CLNK: variants seen among roughly 807,000 people sequenced by gnomAD.
The protein encoded by CLNK is cytokine dependent hematopoietic cell linker.
A neutral mutation model predicts 68.6 loss-of-function variants in CLNK; 74 were observed. That is an observed-to-expected ratio of 1.08 (90% CI 0.89 to 1.31). The LOEUF is 1.31. Among genes scored for constraint, CLNK ranks in the 50% most tolerant of loss-of-function variants. CLNK has a pLI of 0.00. For missense variants in CLNK, 553 were observed against 515.3 expected, an observed-to-expected ratio of 1.07 and a Z score of -0.71; for synonymous variants, 198 against 172.2, an observed-to-expected ratio of 1.15 and a Z score of -1.17.
chr4:10,620,090 G>A lies in CLNK; in HGVS notation c.12-22041C>T, dbSNP rs16870716. On this transcript the variant is annotated intron_variant, in intron 2 of 18. Transcript: ENST00000226951. ...TTCACGGCCAAGTGAGAAATTCTGC[G>A]CATCAAGAAAAGGGGAGAGAACTGA... 6.2e-3 allele frequency among the ~76,000 whole-genome samples: 942 copies of A among 152,174 alleles called. 19 individuals carry two copies. In the East Asian group the frequency reaches 0.065, roughly 10 times the overall value.
intron 8 of CLNK, 115 bp from the exon 9 acceptor site, chr4:10,542,395 G>A: frequency 1.4e-6 from 1 of 721,606 alleles, no homozygotes; most frequent in South Asian, 1.8e-5. Flanking sequence ...GATAACGTCA[G>A]TTAATATTTG....
the CLNK span, among the ~76,000 whole-genome samples, chr4:10,722,582 C>A: frequency 2.1e-4 from 32 of 152,286 alleles, no homozygotes; most frequent in Non-Finnish European, 3.7e-4. Context: ...TTGAGGGTGT[C>A]CAGGTTTTTG....
chr4:10,692,585 A>C, the CLNK span, among the ~76,000 whole-genome samples: 2 of 152,210 alleles, frequency 1.3e-5, no homozygotes, highest in Non-Finnish European at 2.9e-5. Context: ...AGATTATACA[A>C]ATGCAAAATG....
chr4:10,558,941 C>T (rs1719785245), intron 7 of CLNK, among the ~76,000 whole-genome samples: 1 of 152,100 alleles, frequency 6.6e-6, no homozygotes. Flanking sequence ...GCCTCAGTTT[C>T]CTGAGGCTTA....
the CLNK span, among the ~76,000 whole-genome samples, chr4:10,731,956 A>G: frequency 6.6e-6 from 1 of 152,164 alleles, no homozygotes; most frequent in African/African-American, 2.4e-5. Context: ...AGCCCTAGTG[A>G]GTAGTGTTTG....
intron 2 of CLNK, among the ~76,000 whole-genome samples, chr4:10,622,197 G>A (rs1045612185): frequency 1.3e-5 from 2 of 152,084 alleles, no homozygotes; most frequent in African/African-American, 2.4e-5. Flanking sequence ...TAGATTGTTA[G>A]GGGCATAGCC....
At chr4:10,608,413 A>C (rs1418355084) in intron 2 of CLNK, among the ~76,000 whole-genome samples, 1 of 152,100 alleles carries the variant, frequency 6.6e-6, no homozygotes, top group Non-Finnish European at 1.5e-5. Flanking sequence ...ACCAGCACAG[A>C]TGCCATCCTT....
chr4:10,668,691 G>T (rs1724507415), intron 1 of CLNK, among the ~76,000 whole-genome samples: 1 of 152,158 alleles, frequency 6.6e-6, no homozygotes. Context: ...AGGGATTTGG[G>T]GACCAGGTAG....
At chr4:10,688,982 T>C (rs960281931), upstream of CLNK, among the ~76,000 whole-genome samples, 3 of 152,058 alleles carry the variant, frequency 2.0e-5, no homozygotes, top group Non-Finnish European at 4.4e-5. Context: ...TGAATAAACA[T>C]TTTGTGCAGA....
the CLNK span, among the ~76,000 whole-genome samples, chr4:10,723,512 G>A: frequency 6.6e-6 from 1 of 152,104 alleles, no homozygotes; most frequent in African/African-American, 2.4e-5. Flanking sequence ...GTGATGTGTG[G>A]ATTAAGAGAA....
At chr4:10,699,494 C>CTCTATATATA in the CLNK span, among the ~76,000 whole-genome samples, 78 of 56,938 alleles carry the variant, frequency 1.4e-3, no homozygotes, top group African/African-American at 2.6e-3. Context: ...CTCTCTCTCT[C>CTCTATATATA]TATATATATA....
chr4:10,609,455 T>G (rs187954681), intron 2 of CLNK, among the ~76,000 whole-genome samples: 1 of 152,348 alleles, frequency 6.6e-6, no homozygotes, highest in East Asian at 1.9e-4. Context: ...TTGAAATGGA[T>G]CAGACTTTGG....
the CLNK span, among the ~76,000 whole-genome samples, chr4:10,702,963 A>G: frequency 6.6e-6 from 1 of 152,164 alleles, no homozygotes; most frequent in Non-Finnish European, 1.5e-5. Context: ...TGTGAGAAGG[A>G]CCACTAAGAG....
intron 2 of CLNK, 114 bp from the exon 3 acceptor site, chr4:10,598,163 T>C (rs1456243147): frequency 8.7e-6 from 6 of 686,944 alleles, no homozygotes; most frequent in Non-Finnish European, 1.5e-5. Context: ...AGTAATTATG[T>C]CTCACACATA....
the CLNK span, among the ~76,000 whole-genome samples, chr4:10,699,494 C>CTCTATATATATATATATATATA: frequency 1.8e-5 from 1 of 56,990 alleles, no homozygotes; most frequent in African/African-American, 9.1e-5. Flanking sequence ...CTCTCTCTCT[C>CTCTATATATATATATATATATA]TATATATATA....
intron 2 of CLNK, among the ~76,000 whole-genome samples, chr4:10,646,982 A>G (rs1723538288): frequency 6.6e-6 from 1 of 152,180 alleles, no homozygotes; most frequent in Non-Finnish European, 1.5e-5. Context: ...TTTTTGCCAC[A>G]TTCTTTTTGT....
At chr4:10,580,645 AT>A (rs766511366) in intron 4 of CLNK, among the ~76,000 whole-genome samples, 8 of 152,194 alleles carry the variant, frequency 5.3e-5, no homozygotes, top group African/African-American at 1.7e-4. Flanking sequence ...GTAAAAAAAA[AT>A]AAAATAAAAA....
intron 4 of CLNK, 150 bp from the exon 5 acceptor site, chr4:10,571,928 T>A (rs1720370106): frequency 4.8e-6 from 3 of 622,492 alleles, no homozygotes; most frequent in Non-Finnish European, 8.5e-6. Context: ...AGTGCATTTT[T>A]CTTTATTTCC....
At chr4:10,585,550 G>A (rs1197911607) in intron 3 of CLNK, among the ~76,000 whole-genome samples, 3 of 152,182 alleles carry the variant, frequency 2.0e-5, no homozygotes, top group Non-Finnish European at 2.9e-5. Flanking sequence ...TGGCTGCACC[G>A]GAGTCTCAGC....
Sources: gnomAD v4.1 joint callset for allele counts (sites outside exome capture counted in the v4.1 genomes callset) on GRCh38, gnomAD v4.1.1 for gene constraint, MANE v1.5 for transcripts, NCBI Gene and HGNC (gene_info 2026-07-23, HGNC 2026-07-21) for gene names.